ZCCHC17: variants seen among roughly 807,000 people sequenced by gnomAD.
The protein encoded by ZCCHC17 is zinc finger CCHC-type containing 17, also known as zinc finger CCHC domain-containing protein 17.
ZCCHC17 carries 18 observed loss-of-function variants against 30.6 expected under a neutral mutation model. That is an observed-to-expected ratio of 0.59 (90% CI 0.41 to 0.87). The LOEUF is 0.87. Ranked by LOEUF, ZCCHC17 falls within the 40% of genes least tolerant of loss-of-function variation. The probability of loss-of-function intolerance (pLI) is 0.00; values close to 1 mark genes in which losing one functional copy is unlikely to be tolerated. For synonymous variants in ZCCHC17, 88 were observed against 92.4 expected, an observed-to-expected ratio of 0.95 and a Z score of 0.27; for missense variants, 263 against 284.2, an observed-to-expected ratio of 0.93 and a Z score of 0.54.
At chr1:31,319,001 A>G in intron 2 of ZCCHC17, 108 bp from the exon 3 acceptor site, 1 of 1,320,882 alleles carries the variant, frequency 7.6e-7, no homozygotes, top group Non-Finnish European at 1.0e-6. Flanking sequence ...GTTTTATAGC[A>G]TACAGAGGCA....
chr1:31,319,007 A>G (rs571519333), intron 2 of ZCCHC17, 102 bp from the exon 3 acceptor site: 1 of 1,350,392 alleles, frequency 7.4e-7, no homozygotes, highest in African/African-American at 1.4e-5. Flanking sequence ...TAGCATACAG[A>G]GGCAGTCAAT....
intron 3 of ZCCHC17, among the ~76,000 whole-genome samples, chr1:31,332,654 CT>C (rs911366693): frequency 4.7e-5 from 7 of 148,784 alleles, no homozygotes; most frequent in East Asian, 2.0e-4. Context: ...TGGTGTATTT[CT>C]TTTTTTTTTG....
intron 1 of ZCCHC17, among the ~76,000 whole-genome samples, chr1:31,301,388 T>TG (rs1646308209): frequency 2.0e-5 from 3 of 152,242 alleles, no homozygotes; most frequent in Non-Finnish European, 4.4e-5. Context: ...CGAGTTTACT[T>TG]AGCTTCTCTT....
In ZCCHC17 at chr1:31,337,292, C is replaced by T; in HGVS notation, c.225+17C>T. 1.2e-6 allele frequency: 2 copies of T among 1,606,958 alleles called. No individual in the cohort carries two copies. Among genetic ancestry groups the T allele is most frequent in the Non-Finnish European group, 1.7e-6 (2 of 1,173,884 alleles). ...GGCCGAGAGGTAAAGTTCTGTGCGG[C>T]TCCCTTGTGGTTAGAAAGGATTAGG... On this transcript the variant is annotated intron_variant, in intron 4 of 7. Transcript: ENST00000344147.
At chr1:31,297,203 C>A in intron 1 of ZCCHC17, 128 bp downstream of exon 1, 1 of 400,888 alleles carries the variant, frequency 2.5e-6, no homozygotes, top group South Asian at 1.2e-4. Context: ...GGCCCCGAGT[C>A]CCCAGCTGTG....
intron 1 of ZCCHC17, among the ~76,000 whole-genome samples, chr1:31,301,272 A>G (rs556115443): frequency 6.6e-6 from 1 of 152,350 alleles, no homozygotes; most frequent in South Asian, 2.1e-4. Flanking sequence ...GATGTGCAAG[A>G]CAAAGGCATG....
chr1:31,348,937 C>T lies in ZCCHC17; in HGVS notation c.527C>T (p.Pro176Leu), dbSNP rs1440739960. ...EEAKSAEFEK[P>L]DPTRNPSRKR... is the part of the protein sequence containing the mutation. ...GCAAAGTCAGCAGAGTTTGAGAAGC[C>T]TGACCCTACAAGGAATCCTTCTAGA... The change falls in exon 7 of 8, where the codon CCT becomes CTT. Residue 176 changes from proline to leucine, a missense_variant. Physicochemically the swap from Pro to Leu is moderately conservative, Grantham distance 98 (BLOSUM62 -3). Transcript: ENST00000344147. 1 of 1,605,396 alleles carries T rather than the reference C, an allele frequency of 6.2e-7. No homozygotes were observed. Among genetic ancestry groups the T allele is most frequent in the East Asian group, 2.2e-5 (1 of 44,824 alleles).
intron 3 of ZCCHC17, among the ~76,000 whole-genome samples, chr1:31,323,197 G>A (rs1189174114): frequency 2.0e-5 from 3 of 152,190 alleles, no homozygotes; most frequent in East Asian, 1.9e-4. Flanking sequence ...GACAAAGATC[G>A]AATATGTATT....
At chr1:31,299,053 C>CCTTA (rs1646241318) in intron 1 of ZCCHC17, among the ~76,000 whole-genome samples, 1 of 152,096 alleles carries the variant, frequency 6.6e-6, no homozygotes. Context: ...GTCACAGTAA[C>CCTTA]CTTAGCAAGA....
intron 7 of ZCCHC17, among the ~76,000 whole-genome samples, chr1:31,356,621 T>C (rs1639651856): frequency 6.6e-6 from 1 of 152,186 alleles, no homozygotes; most frequent in African/African-American, 2.4e-5. Flanking sequence ...TGCAGAGTAA[T>C]AGGTATTGAC....
chr1:31,340,320 T>G (rs1377969145), intron 5 of ZCCHC17, among the ~76,000 whole-genome samples: 1 of 146,610 alleles, frequency 6.8e-6, no homozygotes, highest in Non-Finnish European at 1.5e-5. Context: ...GGAGGGTTTT[T>G]TTTTTTTTTT....
chr1:31,304,894 T>G (rs1646413271), intron 1 of ZCCHC17, among the ~76,000 whole-genome samples: 1 of 152,150 alleles, frequency 6.6e-6, no homozygotes, highest in South Asian at 2.1e-4. Flanking sequence ...CACGCACGGC[T>G]GTATACTCTT....
chr1:31,309,748 C>A (rs1646552032), intron 1 of ZCCHC17, among the ~76,000 whole-genome samples: 1 of 151,866 alleles, frequency 6.6e-6, no homozygotes, highest in Admixed American at 6.6e-5. Flanking sequence ...ACATCTTTTC[C>A]CACCCTCCCC....
chr1:31,327,732 A>G (rs4949205), intron 3 of ZCCHC17, among the ~76,000 whole-genome samples: 82,574 of 151,964 alleles, frequency 0.54, 23,341 homozygotes, highest in Non-Finnish European at 0.62. Context: ...GTGTAATACT[A>G]ATGCTGGCAA....
chr1:31,338,883 T>C, intron 4 of ZCCHC17, 74 bp from the exon 5 acceptor site: 1 of 965,786 alleles, frequency 1.0e-6, no homozygotes, highest in African/African-American at 1.6e-5. Context: ...ATGAAAACGT[T>C]GACTCTTAAT....
chr1:31,314,398 A>G (rs1318918521), intron 2 of ZCCHC17, among the ~76,000 whole-genome samples: 1 of 151,992 alleles, frequency 6.6e-6, no homozygotes, highest in Non-Finnish European at 1.5e-5. Flanking sequence ...TAAACATTTA[A>G]TGAGTACCCA....
intron 2 of ZCCHC17, among the ~76,000 whole-genome samples, chr1:31,311,792 A>T (rs1390950429): frequency 6.6e-6 from 1 of 152,260 alleles, no homozygotes; most frequent in Non-Finnish European, 1.5e-5. Context: ...TATTGGAGAA[A>T]TACCAAAGTT....
intron 3 of ZCCHC17, among the ~76,000 whole-genome samples, chr1:31,326,039 A>G (rs1168002398): frequency 6.6e-6 from 1 of 152,106 alleles, no homozygotes; most frequent in Non-Finnish European, 1.5e-5. Context: ...AGTCTAAGAT[A>G]ATAAAATTTA....
At chr1:31,330,682 C>T (rs887836402) in intron 3 of ZCCHC17, among the ~76,000 whole-genome samples, 13 of 152,060 alleles carry the variant, frequency 8.5e-5, no homozygotes, top group African/African-American at 2.9e-4. Context: ...TTGAATTGCA[C>T]TTCTGTTATT....
Sources: gnomAD v4.1 joint callset for allele counts (sites outside exome capture counted in the v4.1 genomes callset) on GRCh38, gnomAD v4.1.1 for gene constraint, MANE v1.5 for transcripts, NCBI Gene and HGNC (gene_info 2026-07-23, HGNC 2026-07-21) for gene names.